Variants in ZC3H12B observed in about 807,000 individuals in gnomAD.
The protein encoded by ZC3H12B is probable ribonuclease ZC3H12B.
In ZC3H12B, 7 loss-of-function variants were observed where a neutral mutation model predicts 43.9. The ratio of observed to expected loss-of-function variants is 0.16; its 90% CI spans 0.09 to 0.30. The LOEUF is 0.30. ZC3H12B is among the 10% of genes least tolerant of loss of function. The pLI is 1.00. For missense variants in ZC3H12B, 475 were observed against 670.2 expected (o/e 0.71, Z 3.22); for synonymous variants, 222 against 241.7 (o/e 0.92, Z 0.76).
chrX:65,407,698 C>G (rs968683729), intron 3 of ZC3H12B, among the ~76,000 whole-genome samples: 11 of 113,721 alleles, frequency 9.7e-5, no homozygotes, highest in Non-Finnish European at 1.7e-4. Context: ...GCGCCGCGCA[C>G]GCGGATCCCC....
At chrX:65,169,751 G>A in the ZC3H12B span, among the ~76,000 whole-genome samples, 1 of 112,048 alleles carries the variant, frequency 8.9e-6, no homozygotes, top group Non-Finnish European at 1.9e-5. Context: ...AGCATAGTTA[G>A]CTCTTCTTGT....
At chrX:65,224,832 G>A in the ZC3H12B span, among the ~76,000 whole-genome samples, 165 of 112,084 alleles carry the variant, frequency 1.5e-3, 1 homozygote, top group African/African-American at 5.1e-3. Context: ...AAGGGTGCCC[G>A]CCATTGCCAA....
intron 3 of ZC3H12B, among the ~76,000 whole-genome samples, chrX:65,401,046 C>A (rs1276031942): frequency 9.2e-6 from 1 of 108,338 alleles, no homozygotes; most frequent in African/African-American, 3.4e-5. Context: ...CAATTGTCAC[C>A]CTCGCAAGGA....
chrX:65,181,256 A>T, the ZC3H12B span, among the ~76,000 whole-genome samples: 1 of 112,255 alleles, frequency 8.9e-6, no homozygotes, highest in South Asian at 3.7e-4. Flanking sequence ...AATTAACTCA[A>T]GATGATTTAA....
the ZC3H12B span, among the ~76,000 whole-genome samples, chrX:65,333,781 GTGTA>G: frequency 8.9e-6 from 1 of 111,885 alleles, no homozygotes; most frequent in Non-Finnish European, 1.9e-5. Flanking sequence ...TCAATTGTCT[GTGTA>G]TGACAAAAAG....
At chrX:65,338,000 G>A in the ZC3H12B span, among the ~76,000 whole-genome samples, 3 of 111,724 alleles carry the variant, frequency 2.7e-5, no homozygotes, top group Non-Finnish European at 5.6e-5. Context: ...TACCTTTTAC[G>A]TGGGATATTT....
chrX:65,200,540 C>A, the ZC3H12B span, among the ~76,000 whole-genome samples: 1 of 101,915 alleles, frequency 9.8e-6, no homozygotes, highest in African/African-American at 3.7e-5. Context: ...TCAAGCGATT[C>A]TCCTACCTCA....
chrX:65,041,403 A>C, the ZC3H12B span, among the ~76,000 whole-genome samples: 2 of 111,970 alleles, frequency 1.8e-5, no homozygotes, highest in African/African-American at 6.5e-5. Flanking sequence ...TGCATATGAT[A>C]CTGAATTAAA....
chrX:65,190,392 A>G, the ZC3H12B span, among the ~76,000 whole-genome samples: 16 of 111,076 alleles, frequency 1.4e-4, no homozygotes, highest in Non-Finnish European at 3.8e-5. Flanking sequence ...CTTGGGCAGT[A>G]TGGCCATTTT....
At chrX:65,257,932 C>T in the ZC3H12B span, among the ~76,000 whole-genome samples, 2 of 111,198 alleles carry the variant, frequency 1.8e-5, no homozygotes, top group Non-Finnish European at 3.8e-5. Flanking sequence ...GGCAAATTCA[C>T]AGCTGAATCC....
the ZC3H12B span, among the ~76,000 whole-genome samples, chrX:65,344,732 A>G: frequency 8.9e-6 from 1 of 112,660 alleles, no homozygotes; most frequent in East Asian, 2.8e-4. Context: ...TATAAACTAA[A>G]GAGCTTCTGC....
chrX:65,390,346 T>A (rs775215187), intron 2 of ZC3H12B, among the ~76,000 whole-genome samples: 24 of 110,499 alleles, frequency 2.2e-4, no homozygotes, highest in African/African-American at 7.9e-4. Flanking sequence ...ATGGCACAAG[T>A]ATACATATGT....
the ZC3H12B span, among the ~76,000 whole-genome samples, chrX:65,215,270 G>T: frequency 2.7e-5 from 3 of 111,546 alleles, no homozygotes; most frequent in African/African-American, 9.8e-5. Context: ...TTAAAGTCAG[G>T]CATTGACTTC....
the ZC3H12B span, among the ~76,000 whole-genome samples, chrX:65,141,446 A>G: frequency 9.1e-6 from 1 of 110,007 alleles, no homozygotes; most frequent in East Asian, 2.8e-4. Context: ...TGTTATTATA[A>G]TAAGGGTTCT....
At chrX:65,440,465 C>T (rs974587804) in intron 3 of ZC3H12B, among the ~76,000 whole-genome samples, 10 of 112,424 alleles carry the variant, frequency 8.9e-5, no homozygotes, top group Non-Finnish European at 1.7e-4. Flanking sequence ...ACAAGCTCCA[C>T]TCTTTGAGCT....
At chrX:65,387,839 G>T (rs2066551506) in intron 2 of ZC3H12B, among the ~76,000 whole-genome samples, 1 of 112,332 alleles carries the variant, frequency 8.9e-6, no homozygotes, top group Non-Finnish European at 1.9e-5. Context: ...AGGCCTGGTG[G>T]TGACAAAATC....
At chrX:65,277,808 G>GA in the ZC3H12B span, among the ~76,000 whole-genome samples, 1 of 110,958 alleles carries the variant, frequency 9.0e-6, no homozygotes, top group Non-Finnish European at 1.9e-5. Context: ...CCAGTAAATA[G>GA]AAAAACAAAA....
At chrX:65,098,301 T>C in the ZC3H12B span, among the ~76,000 whole-genome samples, 1 of 108,927 alleles carries the variant, frequency 9.2e-6, no homozygotes, top group East Asian at 2.9e-4. Flanking sequence ...TTGTGTCAAA[T>C]AACAATCAAG....
the ZC3H12B span, among the ~76,000 whole-genome samples, chrX:65,113,611 T>G: frequency 9.2e-6 from 1 of 109,248 alleles, no homozygotes; most frequent in Non-Finnish European, 1.9e-5. Flanking sequence ...TAGAGAGAAA[T>G]CTTGCATGAG....
Sources: allele counts gnomAD v4.1 joint callset (sites outside exome capture counted in the v4.1 genomes callset), GRCh38; gene constraint gnomAD v4.1.1; transcripts MANE v1.5; gene names NCBI Gene and HGNC (gene_info 2026-07-23, HGNC 2026-07-21).